EYA2: variants seen among roughly 807,000 people sequenced by gnomAD.
The protein encoded by EYA2 is protein phosphatase EYA2.
EYA2 carries 31 observed loss-of-function variants against 69.2 expected under a neutral mutation model. That is an observed-to-expected ratio of 0.45 (90% CI 0.34 to 0.60). The LOEUF is 0.60. Ranked by LOEUF, EYA2 falls within the 20% of genes least tolerant of loss-of-function variation. The pLI is 0.02. For synonymous variants in EYA2, 257 were observed against 279.4 expected, an observed-to-expected ratio of 0.92 and a Z score of 0.80; for missense variants, 622 against 701.2, an observed-to-expected ratio of 0.89 and a Z score of 1.28.
chr20:47,136,180 C>T (rs2033468125), intron 9 of EYA2, among the ~76,000 whole-genome samples: 2 of 152,168 alleles, frequency 1.3e-5, no homozygotes, highest in Non-Finnish European at 2.9e-5. Flanking sequence ...GGGAAGTAGA[C>T]TTACAATACG....
intron 11 of EYA2, among the ~76,000 whole-genome samples, chr20:47,171,442 C>T (rs2034320804): frequency 6.6e-6 from 1 of 152,054 alleles, no homozygotes; most frequent in African/African-American, 2.4e-5. Context: ...AAGAACCAAC[C>T]TTCAGAGATG....
intron 9 of EYA2, among the ~76,000 whole-genome samples, chr20:47,112,895 G>T (rs957914992): frequency 2.1e-5 from 1 of 46,652 alleles, no homozygotes; most frequent in Non-Finnish European, 6.2e-5. Flanking sequence ...TTTTTGAGAC[G>T]GAGTCTTATT....
At chr20:47,019,133 C>T (rs1600644196) in intron 5 of EYA2, among the ~76,000 whole-genome samples, 1 of 152,230 alleles carries the variant, frequency 6.6e-6, no homozygotes, top group South Asian at 2.1e-4. Flanking sequence ...CTGCCCTTCA[C>T]ACTCTCTTAG....
Position 46,996,028 on chromosome 20 carries a change from T to TA in EYA2, c.110-5398dup, listed in dbSNP as rs1426725874. On this transcript the variant is annotated intron_variant, in intron 2 of 15. Coordinates refer to ENST00000327619, the MANE Select transcript of EYA2 (RefSeq NM_005244.5). Reference sequence around the variant, plus strand: ...AGATTTAAATTTGGATCTGACCCCTTAAGCCTATCTGTTTTCTTTGGAAAG... The same window carrying TA: ...AGATTTAAATTTGGATCTGACCCCTTAAAGCCTATCTGTTTTCTTTGGAAAG... 4.6e-5 allele frequency among the ~76,000 whole-genome samples: 7 copies of TA among 152,350 alleles called. No homozygotes were observed. In the East Asian group the frequency reaches 1.3e-3, roughly 29 times the overall value.
chr20:47,085,068 G>A (rs2146497113), intron 7 of EYA2, among the ~76,000 whole-genome samples: 1 of 151,528 alleles, frequency 6.6e-6, no homozygotes, highest in Admixed American at 6.6e-5. Context: ...AACTCCCAGG[G>A]TCAAGCAATT....
intron 1 of EYA2, among the ~76,000 whole-genome samples, chr20:46,928,923 C>T (rs1426747433): frequency 6.6e-6 from 1 of 152,142 alleles, no homozygotes; most frequent in East Asian, 1.9e-4. Flanking sequence ...AAATTCTCCC[C>T]TCCAACAAGA....
chr20:47,033,607 GC>G (rs1470306362), intron 5 of EYA2, among the ~76,000 whole-genome samples: 2 of 152,152 alleles, frequency 1.3e-5, no homozygotes, highest in African/African-American at 2.4e-5. Context: ...TGTATTTCTT[GC>G]CCTTCTTGCA....
chr20:47,049,159 G>C (rs1238158750), intron 5 of EYA2, among the ~76,000 whole-genome samples: 1 of 145,954 alleles, frequency 6.9e-6, no homozygotes, highest in Non-Finnish European at 1.5e-5. Flanking sequence ...TTTAAATTAA[G>C]TTTAGACTTA....
At chr20:46,987,714 G>A (rs1330431362) in intron 1 of EYA2, among the ~76,000 whole-genome samples, 4 of 151,882 alleles carry the variant, frequency 2.6e-5, no homozygotes, top group Non-Finnish European at 5.9e-5. Flanking sequence ...ATCACCTGAG[G>A]CCAGGAGTTC....
intron 5 of EYA2, among the ~76,000 whole-genome samples, chr20:47,062,778 A>G (rs1054188171): frequency 3.5e-4 from 54 of 152,144 alleles, no homozygotes; most frequent in Non-Finnish European, 7.2e-4. Flanking sequence ...TATTGCCAAT[A>G]AAAGGAAAGA....
intron 1 of EYA2, among the ~76,000 whole-genome samples, chr20:46,972,805 T>C (rs1354868187): frequency 1.3e-5 from 2 of 152,224 alleles, no homozygotes; most frequent in Admixed American, 6.5e-5. Context: ...CGGCTCTGCC[T>C]ACCTCACAGT....
chr20:47,001,125 T>C (rs549140971), intron 2 of EYA2, among the ~76,000 whole-genome samples: 1 of 152,156 alleles, frequency 6.6e-6, no homozygotes, highest in East Asian at 1.9e-4. Flanking sequence ...TTGGCCTCAG[T>C]TTCTCCATCT....
chr20:47,170,661 AAGAG>A (rs1555834396), intron 11 of EYA2, among the ~76,000 whole-genome samples: 1 of 151,982 alleles, frequency 6.6e-6, no homozygotes, highest in African/African-American at 2.4e-5. Context: ...AAAAAAAAAA[AAGAG>A]AGACAGCTTC....
chr20:46,912,950 T>C (rs1167587353), intron 1 of EYA2, among the ~76,000 whole-genome samples: 1 of 152,004 alleles, frequency 6.6e-6, no homozygotes, highest in Non-Finnish European at 1.5e-5. Flanking sequence ...TCCACCCGCC[T>C]CGGCCTCCCA....
intron 1 of EYA2, among the ~76,000 whole-genome samples, chr20:46,907,825 A>G (rs1242642141): frequency 1.5e-5 from 2 of 136,238 alleles, no homozygotes; most frequent in African/African-American, 2.6e-5. Flanking sequence ...ACAGAGGGAG[A>G]CTCCATCTGA....
intron 11 of EYA2, among the ~76,000 whole-genome samples, chr20:47,169,891 C>CAT (rs2034283547): frequency 6.6e-6 from 1 of 152,006 alleles, no homozygotes; most frequent in African/African-American, 2.4e-5. Flanking sequence ...CATTAGCATA[C>CAT]ATATATATAT....
chr20:47,094,833 A>G (rs542265383), intron 8 of EYA2, among the ~76,000 whole-genome samples: 3 of 152,332 alleles, frequency 2.0e-5, no homozygotes, highest in African/African-American at 7.2e-5. Flanking sequence ...GTTCAAGAAC[A>G]GCCTGGGCAA....
intron 12 of EYA2, among the ~76,000 whole-genome samples, chr20:47,176,770 A>G (rs1194239346): frequency 6.6e-6 from 1 of 150,772 alleles, no homozygotes; most frequent in African/African-American, 2.5e-5. Context: ...CAGTGTTATG[A>G]GCCCAGGATC....
chr20:46,984,517 T>A (rs926069703), intron 1 of EYA2, among the ~76,000 whole-genome samples: 4 of 152,102 alleles, frequency 2.6e-5, no homozygotes, highest in African/African-American at 9.7e-5. Flanking sequence ...GAAATGAAAA[T>A]CAAAATAACT....
Sources: gnomAD v4.1 joint callset for allele counts (sites outside exome capture counted in the v4.1 genomes callset) on GRCh38, gnomAD v4.1.1 for gene constraint, MANE v1.5 for transcripts, NCBI Gene and HGNC (gene_info 2026-07-23, HGNC 2026-07-21) for gene names.